ARSB: variants seen among roughly 807,000 people sequenced by gnomAD.
ARSB encodes arylsulfatase B.
In ARSB, 41 loss-of-function variants were observed where a neutral mutation model predicts 50.9. The ratio of observed to expected loss-of-function variants is 0.81; its 90% confidence interval spans 0.63 to 1.04. The LOEUF is 1.04. Among genes scored for constraint, ARSB ranks in the 50% least tolerant of loss-of-function variants. The pLI, the probability that ARSB is intolerant of heterozygous loss-of-function variation, is 0.00. For synonymous variants in ARSB, 269 were observed against 284.8 expected (o/e 0.94, Z 0.56); for missense variants, 672 against 693.3 (o/e 0.97, Z 0.35).
Position 78,841,132 on chromosome 5 carries a change from G to GTACTACTAC in ARSB, c.1143-1715_1143-1707dup, listed in dbSNP as rs71613989. 8.3e-3 allele frequency among the ~76,000 whole-genome samples: 1,112 copies of GTACTACTAC among 134,666 alleles called. 19 individuals are homozygous for GTACTACTAC. Among genetic ancestry groups the GTACTACTAC allele is most frequent in the South Asian group, 0.039 (152 of 3,858 alleles). 88.3% of individuals were successfully genotyped at this position (134,666 alleles called of 152,430 possible). A position where few individuals can be genotyped will look rare whatever the true frequency, so the allele number is the denominator to read the frequency against. ...TAGGCAACATACTGAGACCTGGTCT[G>GTACTACTAC]TACTACTACTACTACTACTACTACT... is the stretch of plus-strand genomic sequence containing the variant. On this transcript the variant is annotated intron_variant, in intron 5 of 7. Coordinates refer to ENST00000264914, the MANE Select transcript of ARSB (RefSeq NM_000046.5).
intron 5 of ARSB, among the ~76,000 whole-genome samples, chr5:78,872,522 T>C (rs566722800): frequency 7.4e-6 from 1 of 134,776 alleles, no homozygotes; most frequent in East Asian, 2.1e-4. Context: ...TGTAGGGACA[T>C]GGATGAAATT....
rs2112211547 is a variant in ARSB, at chr5:78,885,715, C to T, written c.1011G>A (p.Leu337=). The T allele has an allele frequency of 6.2e-7, 1 of 1,614,176 alleles. No individual in the cohort carries two copies. The part of the protein sequence containing the change: ...RGVGFVASPL[L]KQKGVKNREL... ...CCCGGTTCTTCACGCCCTTCTGCTT[C>T]AGCAAGGGGCTTGCCACAAAGCCCA... is the stretch of plus-strand genomic sequence containing the variant. The change falls in exon 5 of 8, where the codon CTG becomes CTA. Residue 337 remains leucine (L), a synonymous_variant. Transcript: ENST00000264914.
intron 4 of ARSB, among the ~76,000 whole-genome samples, chr5:78,943,913 A>T (rs1417603661): frequency 6.6e-6 from 1 of 152,206 alleles, no homozygotes; most frequent in Non-Finnish European, 1.5e-5. Flanking sequence ...TTTCAGGTAC[A>T]CCAATCAGAT....
At chr5:78,958,874 T>C (rs1751854104) in intron 3 of ARSB, among the ~76,000 whole-genome samples, 1 of 152,218 alleles carries the variant, frequency 6.6e-6, no homozygotes, top group Admixed American at 6.5e-5. Flanking sequence ...CAGTGTGGAA[T>C]GTTAAACATA....
Position 78,780,013 on chromosome 5 carries a change from A to T in ARSB, c.*384T>A, listed in dbSNP as rs970465323. The T allele has an allele frequency of 1.0e-5, 3 of 287,746 alleles. No individual in the cohort carries two copies. Among genetic ancestry groups the T allele is most frequent in the Admixed American group, 4.8e-5 (1 of 20,932 alleles). The allele number at this position is 287,746 out of a possible 1,614,324, so 17.8% of individuals were successfully genotyped here. ...TCCCTTCATTTGCGTAAGAAATGTG[A>T]TTCACTCCAATAAAACTGGCTATTG... On this transcript the variant is annotated 3_prime_UTR_variant, in exon 8 of 8. Coordinates refer to ENST00000264914, the MANE Select transcript of ARSB (RefSeq NM_000046.5).
chr5:78,949,936 G>T (rs1394877155), intron 4 of ARSB, among the ~76,000 whole-genome samples: 1 of 151,986 alleles, frequency 6.6e-6, no homozygotes, highest in Admixed American at 6.6e-5. Flanking sequence ...ACAAAAAAAA[G>T]AGTTAATATA....
At chr5:78,939,220 C>T (rs1319364949) in intron 4 of ARSB, among the ~76,000 whole-genome samples, 2 of 152,038 alleles carry the variant, frequency 1.3e-5, no homozygotes, top group Non-Finnish European at 2.9e-5. Context: ...ATTACAAAAC[C>T]ATCAGCTTTC....
intron 6 of ARSB, among the ~76,000 whole-genome samples, chr5:78,795,505 C>T (rs1030186765): frequency 8.5e-5 from 13 of 152,126 alleles, no homozygotes; most frequent in Non-Finnish European, 1.8e-4. Context: ...GCTCTGCCAG[C>T]GTGTACCAAA....
At chr5:78,841,966 A>G (rs1253147841) in intron 5 of ARSB, among the ~76,000 whole-genome samples, 1 of 152,212 alleles carries the variant, frequency 6.6e-6, no homozygotes. Context: ...AAAACACAAT[A>G]TATGACAAGT....
At chr5:78,916,625 T>C (rs749162551) in intron 4 of ARSB, among the ~76,000 whole-genome samples, 8 of 152,210 alleles carry the variant, frequency 5.3e-5, no homozygotes, top group Non-Finnish European at 7.3e-5. Context: ...GTTACATTAA[T>C]GCCAAGTTTT....
chr5:78,985,031 T>A lies in ARSB; in HGVS notation c.218A>T (p.Asp73Val). 1 of 1,542,162 alleles carries A rather than the reference T, an allele frequency of 6.5e-7. No homozygotes were observed. Residue 73 changes from aspartate (D) to valine (V), a missense_variant, in exon 1 of 8, where the codon GAC (aspartate) becomes GTC (valine). Coordinates refer to ENST00000264914, the MANE Select transcript of ARSB (RefSeq NM_000046.5). ...HGSRIRTPHL[D>V]ALAAGGVLLD... ...GAGCACCCCGCCGGCCGCCAGCGCG[T>A]CCAGGTGCGGCGTGCGGATGCGGGA...
At chr5:78,938,438 T>C (rs1476566189) in intron 4 of ARSB, among the ~76,000 whole-genome samples, 2 of 152,224 alleles carry the variant, frequency 1.3e-5, no homozygotes, top group African/African-American at 4.8e-5. Flanking sequence ...GGTTGTAATT[T>C]TCCTCTATGA....
intron 2 of ARSB, 115 bp downstream of exon 2, chr5:78,968,891 C>T: frequency 8.1e-7 from 1 of 1,233,444 alleles, no homozygotes; most frequent in Non-Finnish European, 1.2e-6. Flanking sequence ...ACAGTGCCGA[C>T]TGATTCACTC....
At chr5:78,814,593 A>G (rs1182069486) in intron 6 of ARSB, among the ~76,000 whole-genome samples, 1 of 150,544 alleles carries the variant, frequency 6.6e-6, no homozygotes, top group African/African-American at 2.5e-5. Flanking sequence ...CTTCCCACCT[A>G]ATATGTCACT....
chr5:78,887,304 G>A (rs982773749), intron 4 of ARSB, among the ~76,000 whole-genome samples: 5 of 151,954 alleles, frequency 3.3e-5, no homozygotes, highest in Admixed American at 6.6e-5. Context: ...CCAAAGAGCA[G>A]GAAGAGCCTC....
At chr5:78,804,213 GAAAA>G (rs113086677) in intron 6 of ARSB, among the ~76,000 whole-genome samples, 2 of 124,246 alleles carry the variant, frequency 1.6e-5, no homozygotes, top group Non-Finnish European at 3.5e-5. Flanking sequence ...AATGTGGAAT[GAAAA>G]AAAAAAAAAG....
intron 1 of ARSB, among the ~76,000 whole-genome samples, chr5:78,983,578 A>C (rs1296948387): frequency 6.6e-6 from 1 of 152,150 alleles, no homozygotes; most frequent in Non-Finnish European, 1.5e-5. Flanking sequence ...AGATTTACAC[A>C]ATGTAGGGGA....
intron 4 of ARSB, among the ~76,000 whole-genome samples, chr5:78,929,454 A>G (rs538616201): frequency 1.5e-4 from 23 of 152,220 alleles, no homozygotes; most frequent in African/African-American, 5.3e-4. Flanking sequence ...CTTGTGCCTC[A>G]CACTGAATTA....
At chr5:78,924,832 G>A (rs1345604069) in intron 4 of ARSB, among the ~76,000 whole-genome samples, 1 of 152,142 alleles carries the variant, frequency 6.6e-6, no homozygotes, top group African/African-American at 2.4e-5. Context: ...AACTTTAAAA[G>A]CAAAGCATTG....
Sources: gnomAD v4.1 joint callset for allele counts (sites outside exome capture counted in the v4.1 genomes callset) on GRCh38, gnomAD v4.1.1 for gene constraint, MANE v1.5 for transcripts, NCBI Gene and HGNC (gene_info 2026-07-23, HGNC 2026-07-21) for gene names.